NR3C2: variants seen among roughly 807,000 people sequenced by gnomAD.
NR3C2 encodes the protein mineralocorticoid receptor.
A neutral mutation model predicts 86.4 loss-of-function variants in NR3C2; 15 were observed. The ratio of observed to expected loss-of-function variants is 0.17; its 90% CI spans 0.12 to 0.27. NR3C2 has a LOEUF of 0.27. Ranked by LOEUF, NR3C2 falls within the 10% of genes least tolerant of loss-of-function variation. The probability of loss-of-function intolerance (pLI) is 1.00; values close to 1 mark genes in which losing one functional copy is unlikely to be tolerated. For missense variants in NR3C2, 960 were observed against 1,195.6 expected, an observed-to-expected ratio of 0.80 and a Z score of 2.91; for synonymous variants, 458 against 450.5, an observed-to-expected ratio of 1.02 and a Z score of -0.21.
At chr4:148,145,219 A>G (rs765921131) in intron 6 of NR3C2, among the ~76,000 whole-genome samples, 11 of 152,324 alleles carry the variant, frequency 7.2e-5, no homozygotes, top group Non-Finnish European at 1.6e-4. Flanking sequence ...GGTATGACCT[A>G]GGAATACTGG....
intron 2 of NR3C2, among the ~76,000 whole-genome samples, chr4:148,300,870 C>A (rs1742308323): frequency 6.6e-6 from 1 of 152,176 alleles, no homozygotes; most frequent in Non-Finnish European, 1.5e-5. Context: ...CCGCGCCCGA[C>A]CTTGCCTTGT....
chr4:148,164,018 C>T (rs1407686359), intron 4 of NR3C2, among the ~76,000 whole-genome samples: 2 of 152,130 alleles, frequency 1.3e-5, no homozygotes, highest in African/African-American at 4.8e-5. Context: ...GCTAAAATGG[C>T]TTTTCTAAAT....
At chr4:148,401,626 G>A (rs1240902321) in intron 2 of NR3C2, among the ~76,000 whole-genome samples, 1 of 151,926 alleles carries the variant, frequency 6.6e-6, no homozygotes, top group African/African-American at 2.4e-5. Flanking sequence ...ACCACGCCCG[G>A]CTAATTTTTG....
In NR3C2 at chr4:148,268,178, A is replaced by T. The variant is rs1233577241; in HGVS notation, c.1758-8061T>A. On this transcript the variant is annotated intron_variant, in intron 2 of 8. Transcript: ENST00000358102. ...CTGGTCTTGAACTCCTGACCTTGTGATCCACCTGCCTTGGCCTCCCAAAGT... is the reference window on the plus strand; with the variant it reads ...CTGGTCTTGAACTCCTGACCTTGTGTTCCACCTGCCTTGGCCTCCCAAAGT... Among the ~76,000 whole-genome samples the T allele has an allele frequency of 2.0e-5, 3 of 152,084 alleles. 1 individual carries two copies. Among genetic ancestry groups the T allele is most frequent in the South Asian group, 4.1e-4 (2 of 4,820 alleles).
chr4:148,337,324 A>T (rs984852752), intron 2 of NR3C2, among the ~76,000 whole-genome samples: 2 of 152,024 alleles, frequency 1.3e-5, no homozygotes, highest in African/African-American at 4.8e-5. Context: ...ATAAGAAACT[A>T]TTCAAAATGA....
chr4:148,134,405 T>C (rs1189238584), intron 6 of NR3C2, among the ~76,000 whole-genome samples: 3 of 152,212 alleles, frequency 2.0e-5, no homozygotes, highest in African/African-American at 4.8e-5. Flanking sequence ...ATCCTTTTAA[T>C]CCACTTGTAT....
intron 2 of NR3C2, among the ~76,000 whole-genome samples, chr4:148,348,288 C>A (rs1579189738): frequency 6.6e-6 from 1 of 152,138 alleles, no homozygotes; most frequent in Non-Finnish European, 1.5e-5. Flanking sequence ...TATGCTCTGT[C>A]CTCCCAGAGC....
chr4:148,166,628 AG>A (rs1472751843), intron 4 of NR3C2, among the ~76,000 whole-genome samples: 1 of 152,166 alleles, frequency 6.6e-6, no homozygotes, highest in East Asian at 1.9e-4. Context: ...CTAAAGGAAA[AG>A]GGTCCAAGAG....
At chr4:148,136,082 A>AG (rs1287502214) in intron 6 of NR3C2, among the ~76,000 whole-genome samples, 1 of 145,602 alleles carries the variant, frequency 6.9e-6, no homozygotes, top group Non-Finnish European at 1.5e-5. Flanking sequence ...AAAAACAAAA[A>AG]AAAAAAACAC....
chr4:148,333,535 T>C (rs1267288104), intron 2 of NR3C2, among the ~76,000 whole-genome samples: 1 of 119,318 alleles, frequency 8.4e-6, no homozygotes, highest in Non-Finnish European at 1.9e-5. Flanking sequence ...GAAAGTCTCC[T>C]TAAAATCTCC....
chr4:148,091,691 T>C (rs566655105), intron 8 of NR3C2, among the ~76,000 whole-genome samples: 1 of 152,268 alleles, frequency 6.6e-6, no homozygotes, highest in South Asian at 2.1e-4. Flanking sequence ...CGGGTACACA[T>C]TGAGGAATAT....
At chr4:148,239,321 G>T (rs754535418) in intron 3 of NR3C2, among the ~76,000 whole-genome samples, 3 of 152,198 alleles carry the variant, frequency 2.0e-5, no homozygotes, top group Non-Finnish European at 1.5e-5. Context: ...TCTGTAAAAT[G>T]AGTTTGCTCA....
intron 6 of NR3C2, among the ~76,000 whole-genome samples, chr4:148,126,557 A>T (rs1732756466): frequency 6.6e-6 from 1 of 152,258 alleles, no homozygotes; most frequent in African/African-American, 2.4e-5. Context: ...GAACACCTCC[A>T]TGTCAGAGTG....
chr4:148,299,240 C>T (rs568904384), intron 2 of NR3C2, among the ~76,000 whole-genome samples: 18 of 152,282 alleles, frequency 1.2e-4, no homozygotes, highest in Middle Eastern at 3.4e-3. Context: ...GCATCGTTTT[C>T]GTGGCCTGTA....
chr4:148,239,567 A>G (rs1725634744), intron 3 of NR3C2, among the ~76,000 whole-genome samples: 1 of 152,224 alleles, frequency 6.6e-6, no homozygotes, highest in Non-Finnish European at 1.5e-5. Flanking sequence ...GAAGAGAACC[A>G]CAACTACAAA....
intron 4 of NR3C2, among the ~76,000 whole-genome samples, chr4:148,185,762 ATTTT>A (rs1037889493): frequency 6.6e-6 from 1 of 151,962 alleles, no homozygotes; most frequent in Admixed American, 6.6e-5. Flanking sequence ...TTACAACCTG[ATTTT>A]TTTTGACTAA....
At chr4:148,340,138 T>C (rs1451414838) in intron 2 of NR3C2, among the ~76,000 whole-genome samples, 1 of 152,094 alleles carries the variant, frequency 6.6e-6, no homozygotes, top group Admixed American at 6.6e-5. Flanking sequence ...AATGACATTC[T>C]TCACAGAATT....
intron 2 of NR3C2, among the ~76,000 whole-genome samples, chr4:148,431,876 G>A (rs6831307): frequency 3.3e-5 from 5 of 152,062 alleles, no homozygotes; most frequent in African/African-American, 1.2e-4. Flanking sequence ...CTCAGCTTCT[G>A]GATCTCAGAA....
At chr4:148,194,370 T>A (rs1336315679) in intron 4 of NR3C2, among the ~76,000 whole-genome samples, 1 of 152,202 alleles carries the variant, frequency 6.6e-6, no homozygotes, top group Non-Finnish European at 1.5e-5. Flanking sequence ...AAGTTAGGTA[T>A]GTACTCTATG....
Sources: gnomAD v4.1 joint callset for allele counts (sites outside exome capture counted in the v4.1 genomes callset) on GRCh38, gnomAD v4.1.1 for gene constraint, MANE v1.5 for transcripts, NCBI Gene and HGNC (gene_info 2026-07-23, HGNC 2026-07-21) for gene names.